Variants in SORCS1 observed in about 807,000 individuals in gnomAD.
SORCS1 encodes the protein VPS10 domain-containing receptor SorCS1.
A neutral mutation model predicts 146.1 loss-of-function variants in SORCS1; 60 were observed. The ratio of observed to expected loss-of-function variants is 0.41; its 90% CI spans 0.33 to 0.51. The LOEUF is 0.51. Among genes scored for constraint, SORCS1 ranks in the 20% least tolerant of loss-of-function variants. The pLI is 0.21. For missense variants in SORCS1, 1,352 were observed against 1,487.6 expected, an observed-to-expected ratio of 0.91 and a Z score of 1.50; for synonymous variants, 637 against 584.0, an observed-to-expected ratio of 1.09 and a Z score of -1.31.
rs189909374 is a variant in SORCS1, at chr10:106,770,348, G to C, written c.885+6186C>G. 1.8e-3 allele frequency among the ~76,000 whole-genome samples: 271 copies of C among 152,180 alleles called. 4 individuals are homozygous for C. The highest frequency in any genetic ancestry group is 3.4e-3 in the Middle Eastern group (1 of 294). On this transcript the variant is annotated intron_variant, in intron 4 of 25. Transcript: ENST00000263054. ...GGACTCATAGAGCTCCAAAATAAGC[G>C]AGTCAATATAAACTTACAAATATTC...
At chr10:107,111,050 G>T (rs1965663209) in intron 1 of SORCS1, among the ~76,000 whole-genome samples, 1 of 152,186 alleles carries the variant, frequency 6.6e-6, no homozygotes, top group Non-Finnish European at 1.5e-5. Context: ...AATCCCATCA[G>T]CTCAGAGTCT....
chr10:106,924,072 T>C lies in SORCS1; in HGVS notation c.626+32441A>G, dbSNP rs145361404. On this transcript the variant is annotated intron_variant, in intron 2 of 25. Coordinates refer to ENST00000263054, the MANE Select transcript of SORCS1 (RefSeq NM_052918.5). ...GAGTTCGAGACCAGCCTGACCAACATGGAGAAACCCCATCTCTACTAAAAA... is the reference window on the plus strand; with the variant it reads ...GAGTTCGAGACCAGCCTGACCAACACGGAGAAACCCCATCTCTACTAAAAA... 2.4e-3 allele frequency among the ~76,000 whole-genome samples: 362 copies of C among 152,232 alleles called. 15 individuals carry two copies. In the East Asian group the frequency reaches 0.038, roughly 16 times the overall value.
intron 19 of SORCS1, 39 bp from the exon 20 acceptor site, chr10:106,620,600 A>C (rs1244795333): frequency 1.2e-6 from 2 of 1,605,620 alleles, no homozygotes; most frequent in Non-Finnish European, 8.5e-7. Flanking sequence ...GATGGGGAAG[A>C]GCTTCCTCTG....
At chr10:106,968,060 G>A (rs1257980203) in intron 1 of SORCS1, among the ~76,000 whole-genome samples, 2 of 145,892 alleles carry the variant, frequency 1.4e-5, no homozygotes, top group Non-Finnish European at 3.0e-5. Flanking sequence ...AAAAAAAAAA[G>A]TTAGCTGGGC....
At chr10:106,784,256 G>A (rs570941401) in intron 3 of SORCS1, among the ~76,000 whole-genome samples, 29 of 152,194 alleles carry the variant, frequency 1.9e-4, no homozygotes, top group African/African-American at 5.1e-4. Context: ...TTAGCTGGGC[G>A]TGGTGGTGGG....
rs532252367 is a variant in SORCS1 at position 106,897,416 on chromosome 10, G to C, written c.626+59097C>G. 2.6e-5 allele frequency among the ~76,000 whole-genome samples: 4 copies of C among 152,090 alleles called. No homozygotes were observed. In the East Asian group the frequency reaches 7.7e-4, roughly 29 times the overall value. On this transcript the variant is annotated intron_variant, in intron 2 of 25. Coordinates refer to ENST00000263054, the MANE Select transcript of SORCS1 (RefSeq NM_052918.5). ...TGATCAATTTGCTGTTGCCTTTTAG[G>C]ATCCTCTATCTTTCAGCTTATCCTT... is the stretch of plus-strand genomic sequence containing the variant.
chr10:107,081,995 T>C (rs1344341756), intron 1 of SORCS1, among the ~76,000 whole-genome samples: 1 of 152,214 alleles, frequency 6.6e-6, no homozygotes, highest in East Asian at 1.9e-4. Context: ...ATAAAACTGA[T>C]AAGAGACTTC....
chr10:106,766,923 G>A (rs1859617573), intron 4 of SORCS1, among the ~76,000 whole-genome samples: 1 of 152,186 alleles, frequency 6.6e-6, no homozygotes, highest in African/African-American at 2.4e-5. Context: ...TGTTCTAGGG[G>A]AATGGGTCAG....
chr10:106,759,748 C>T (rs574031642), intron 5 of SORCS1, among the ~76,000 whole-genome samples: 2 of 152,190 alleles, frequency 1.3e-5, no homozygotes, highest in East Asian at 3.9e-4. Flanking sequence ...TTGCTGCCCC[C>T]TTCTCTCTCT....
At chr10:106,748,323 C>A (rs565259182) in intron 5 of SORCS1, among the ~76,000 whole-genome samples, 6 of 152,072 alleles carry the variant, frequency 3.9e-5, no homozygotes, top group Admixed American at 2.0e-4. Context: ...ACATCTGTTA[C>A]GGCGATGTGT....
chr10:106,954,540 G>A (rs570504399), intron 2 of SORCS1, among the ~76,000 whole-genome samples: 65 of 152,296 alleles, frequency 4.3e-4, no homozygotes, highest in Admixed American at 2.2e-3. Flanking sequence ...GCTGTCTTGT[G>A]GCTTGAAGGT....
intron 2 of SORCS1, among the ~76,000 whole-genome samples, chr10:106,839,764 G>T (rs186064634): frequency 1.7e-4 from 26 of 152,308 alleles, no homozygotes; most frequent in Non-Finnish European, 5.9e-5. Flanking sequence ...TGCAATTGGT[G>T]ACTTTCAGTT....
intron 3 of SORCS1, among the ~76,000 whole-genome samples, chr10:106,814,914 CA>C (rs779366731): frequency 1.4e-4 from 9 of 66,070 alleles, no homozygotes; most frequent in African/African-American, 2.6e-4. Flanking sequence ...GACTCCATCT[CA>C]AAAAAAAAAA....
chr10:106,589,732 C>T (rs149002895), intron 24 of SORCS1, among the ~76,000 whole-genome samples: 1 of 151,434 alleles, frequency 6.6e-6, no homozygotes, highest in Non-Finnish European at 1.5e-5. Flanking sequence ...CTCCACCTCC[C>T]AGGTCTCCAT....
chr10:106,574,646 T>C lies in SORCS1; in HGVS notation c.*2774A>G, dbSNP rs1844501453. The C allele has an allele frequency of 6.6e-6, 1 of 152,254 alleles. No individual in the cohort carries two copies. The highest frequency in any genetic ancestry group is 2.4e-5 in the African/African-American group (1 of 41,434). The allele number at this position is 152,254 out of a possible 1,614,324, so 9.4% of individuals were successfully genotyped here. ...CCTAGAGTTTCTAATTCAGTAGGTATGGGGTATGGATCCAGAATCTGGATC... is the reference window on the plus strand; with the variant it reads ...CCTAGAGTTTCTAATTCAGTAGGTACGGGGTATGGATCCAGAATCTGGATC... On this transcript the variant is annotated 3_prime_UTR_variant, in exon 26 of 26. Coordinates refer to ENST00000263054, the MANE Select transcript of SORCS1 (RefSeq NM_052918.5).
chr10:107,091,558 C>A (rs896852770), intron 1 of SORCS1, among the ~76,000 whole-genome samples: 2 of 152,166 alleles, frequency 1.3e-5, no homozygotes, highest in Non-Finnish European at 2.9e-5. Flanking sequence ...GTTTTAAAGT[C>A]ATCTTTAACA....
intron 2 of SORCS1, among the ~76,000 whole-genome samples, chr10:106,924,485 CT>C (rs1952895549): frequency 6.6e-6 from 1 of 150,550 alleles, no homozygotes; most frequent in Admixed American, 6.6e-5. Context: ...ATCTATCTAT[CT>C]ATCTATCTAT....
At chr10:107,098,272 A>G (rs1376227260) in intron 1 of SORCS1, among the ~76,000 whole-genome samples, 1 of 152,140 alleles carries the variant, frequency 6.6e-6, no homozygotes, top group Non-Finnish European at 1.5e-5. Context: ...AGTGAATCCA[A>G]CTTAGCTCCT....
At chr10:107,097,099 G>T (rs1303535731) in intron 1 of SORCS1, among the ~76,000 whole-genome samples, 1 of 152,126 alleles carries the variant, frequency 6.6e-6, no homozygotes, top group Non-Finnish European at 1.5e-5. Flanking sequence ...ATGTCCAATT[G>T]TGATGAATGC....
Sources: allele counts gnomAD v4.1 joint callset (sites outside exome capture counted in the v4.1 genomes callset), GRCh38; gene constraint gnomAD v4.1.1; transcripts MANE v1.5; gene names NCBI Gene and HGNC (gene_info 2026-07-23, HGNC 2026-07-21).